Variants in ZFHX3 observed in about 807,000 individuals in gnomAD.
The protein encoded by ZFHX3 is zinc finger homeobox 3, also known as zinc finger homeobox protein 3.
Under a neutral mutation model 279.1 loss-of-function variants are expected in ZFHX3, and 42 were observed. The observed-to-expected ratio is 0.15, with a 90% CI of 0.12 to 0.19. The LOEUF is 0.19. ZFHX3 is among the 10% of genes least tolerant of loss of function. The probability of loss-of-function intolerance (pLI) is 1.00; values close to 1 mark genes in which losing one functional copy is unlikely to be tolerated. For missense variants in ZFHX3, 4,981 were observed against 4,754.0 expected, an observed-to-expected ratio of 1.05 and a Z score of -1.40; for synonymous variants, 2,293 against 1,957.8, an observed-to-expected ratio of 1.17 and a Z score of -4.52.
chr16:73,235,565 C>T (rs940315943), intron 5 of ZFHX3, among the ~76,000 whole-genome samples: 10 of 152,090 alleles, frequency 6.6e-5, no homozygotes, highest in Admixed American at 3.3e-4. Context: ...GAGAGGCACT[C>T]GGCTCTGGTC....
chr16:73,423,053 A>T (rs898300171), intron 3 of ZFHX3, among the ~76,000 whole-genome samples: 2 of 152,130 alleles, frequency 1.3e-5, no homozygotes, highest in East Asian at 1.9e-4. Flanking sequence ...TAAGAATCCC[A>T]GTCAAATTGG....
intron 1 of ZFHX3, among the ~76,000 whole-genome samples, chr16:73,812,198 C>T (rs982209237): frequency 7.9e-5 from 12 of 152,122 alleles, no homozygotes; most frequent in Non-Finnish European, 7.4e-5. Context: ...ACGAATTTCC[C>T]ATCACTGAAA....
rs140609871 is a variant in ZFHX3, at chr16:73,325,928, A to AACACACACACACACACACACACACAAAC, written c.-1290-7593_-1290-7592insGTTTGTGTGTGTGTGTGTGTGTGTGTGT. ...ACACACACACACACACACACACACAAACACACACACACACACACACACAGG... is the reference window on the plus strand; with the variant it reads ...ACACACACACACACACACACACACAAACACACACACACACACACACACACAAACACACACACACACACACACACACAGG... On this transcript the variant is annotated intron_variant, in intron 3 of 17. Coordinates refer to the ZFHX3 transcript ENST00000641206. 4.9e-3 allele frequency among the ~76,000 whole-genome samples: 710 copies of AACACACACACACACACACACACACAAAC among 145,564 alleles called. 7 individuals carry two copies. The highest frequency in any genetic ancestry group is 0.017 in the African/African-American group (658 of 39,850).
intron 3 of ZFHX3, among the ~76,000 whole-genome samples, chr16:73,423,726 G>A (rs561543614): frequency 2.0e-5 from 3 of 152,098 alleles, no homozygotes; most frequent in African/African-American, 7.2e-5. Flanking sequence ...GCCAGGCGCA[G>A]TGGTGCACAC....
chr16:73,089,875 G>A (rs144964972), intron 8 of ZFHX3, among the ~76,000 whole-genome samples: 53 of 152,328 alleles, frequency 3.5e-4, no homozygotes, highest in African/African-American at 1.1e-3. Context: ...TTCCTGAACC[G>A]AAGCTGTGCT....
chr16:73,690,389 A>G (rs899884), intron 1 of ZFHX3, among the ~76,000 whole-genome samples: 30 of 152,224 alleles, frequency 2.0e-4, no homozygotes, highest in Middle Eastern at 3.4e-3. Context: ...GTAAGAAGAA[A>G]ATTTCAAATC....
chr16:73,081,995 C>A (rs1348176982), intron 8 of ZFHX3, among the ~76,000 whole-genome samples: 2 of 151,870 alleles, frequency 1.3e-5, no homozygotes, highest in Non-Finnish European at 2.9e-5. Flanking sequence ...TACCACCACA[C>A]CCAGCTAATT....
At chr16:73,648,614 G>C (rs899744522) in intron 2 of ZFHX3, among the ~76,000 whole-genome samples, 2 of 152,052 alleles carry the variant, frequency 1.3e-5, no homozygotes, top group Non-Finnish European at 2.9e-5. Context: ...ATTTCACCAC[G>C]TTGGCCAGGC....
chr16:73,417,904 G>A (rs1004148053), intron 3 of ZFHX3, among the ~76,000 whole-genome samples: 2 of 150,526 alleles, frequency 1.3e-5, no homozygotes, highest in Non-Finnish European at 2.9e-5. Context: ...CATGAGAATG[G>A]CGTGAACCCA....
chr16:73,192,980 G>A (rs1401292464), intron 5 of ZFHX3, among the ~76,000 whole-genome samples: 1 of 152,142 alleles, frequency 6.6e-6, no homozygotes, highest in African/African-American at 2.4e-5. Context: ...AGGAATAATA[G>A]CCACCTCATT....
rs890659155 is a variant in ZFHX3 at position 72,822,805 on chromosome 16, T to G, written c.3529+6974A>C. On this transcript the variant is annotated intron_variant, in intron 5 of 9. Transcript: ENST00000268489. The stretch of plus-strand genomic sequence containing the variant: ...ACTTCTAGAAAGTGAGTTTTTTTTT[T>G]TTTTTTTTTTTGCATGTCCTGTACC... Among the ~76,000 whole-genome samples the G allele has an allele frequency of 1.7e-4, 25 of 150,462 alleles. 1 individual carries two copies. Among genetic ancestry groups the G allele is most frequent in the Non-Finnish European group, 3.4e-4 (23 of 67,712 alleles).
At chr16:73,630,157 T>A (rs1366743522) in intron 2 of ZFHX3, among the ~76,000 whole-genome samples, 3 of 152,186 alleles carry the variant, frequency 2.0e-5, no homozygotes, top group Non-Finnish European at 4.4e-5. Flanking sequence ...GGTAGACACT[T>A]TGGAAAACGT....
At chr16:73,349,624 T>C (rs181665863) in intron 3 of ZFHX3, among the ~76,000 whole-genome samples, 490 of 47,416 alleles carry the variant, frequency 0.01, 10 homozygotes, top group South Asian at 0.057. Context: ...CTCCCTCCCT[T>C]CCTCCCTCCC....
At position 72,797,652 on chromosome 16, in the gene ZFHX3, G is replaced by T. The variant is rs1196913823; in HGVS notation, c.5030C>A (p.Ser1677Tyr). The T allele has an allele frequency of 6.2e-7, 1 of 1,614,048 alleles. No individual in the cohort carries two copies. The highest frequency in any genetic ancestry group is 1.3e-5 in the African/African-American group (1 of 74,904). Reference protein sequence around the residue: ...NPSSAGIAPSSNLLSQVPTES... With the variant: ...NPSSAGIAPSYNLLSQVPTES... ...AGTGGGCACTTGGCTTAGTAAGTTA[G>T]AGCTTGGAGCAATGCCAGCACTGCT... The change falls in exon 9 of 10, where the codon TCT becomes TAT. Residue 1677 changes from serine (S) to tyrosine (Y), a missense_variant. This residue lies in a region of ZFHX3 where 1,751 missense variants were observed against 1,770.0 expected (regional missense o/e 0.99). Coordinates refer to ENST00000268489, the MANE Select transcript of ZFHX3 (RefSeq NM_006885.4).
intron 2 of ZFHX3, among the ~76,000 whole-genome samples, chr16:73,539,306 G>A (rs2019967105): frequency 6.6e-6 from 1 of 151,706 alleles, no homozygotes; most frequent in Non-Finnish European, 1.5e-5. Flanking sequence ...ATTGTTATCA[G>A]GTGAAACTGA....
exon 1 of ZFHX3, chr16:73,058,717 C>A: frequency 6.0e-6 from 1 of 165,294 alleles, no homozygotes; most frequent in Non-Finnish European, 1.2e-5. Flanking sequence ...GCGGCGGCGG[C>A]GGCGGCGGCG....
In ZFHX3 at chr16:72,793,331, C is replaced by A; in HGVS notation, c.9351G>T (p.Ala3117=). 1 of 1,614,150 alleles carries A rather than the reference C, an allele frequency of 6.2e-7. No individual in the cohort carries two copies. The highest frequency in any genetic ancestry group is 8.5e-7 in the Non-Finnish European group (1 of 1,180,012). Residue 3117 remains alanine (A), a synonymous_variant, in exon 9 of 10, where the codon GCG becomes GCT. Coordinates refer to ENST00000268489, the MANE Select transcript of ZFHX3 (RefSeq NM_006885.4). The surrounding 1 kb of genome is among the most constrained non-coding windows in gnomAD (Gnocchi z 4.3). The part of the protein sequence containing the change: ...QALNLPTAYP[A]LQGIPPVLLP... ...GCAACACAGGAGGAATGCCCTGGAG[C>A]GCTGGATATGCTGTAGGAAGGTTAA...
intron 3 of ZFHX3, among the ~76,000 whole-genome samples, chr16:72,927,299 CCTT>C (rs1265554408): frequency 6.6e-6 from 1 of 152,180 alleles, no homozygotes; most frequent in African/African-American, 2.4e-5. Context: ...AATCCTTCCT[CCTT>C]GTCTTCCTTC....
At chr16:73,771,346 C>T (rs2054015547) in intron 1 of ZFHX3, among the ~76,000 whole-genome samples, 2 of 152,100 alleles carry the variant, frequency 1.3e-5, no homozygotes, top group Admixed American at 6.5e-5. Context: ...CAGCTGGCAC[C>T]CTGGTCCCTG....
Sources: gnomAD v4.1 joint callset for allele counts (sites outside exome capture counted in the v4.1 genomes callset) on GRCh38, gnomAD v4.1.1 for gene constraint, gnomAD v4.1.1 regional missense constraint, Gnocchi (gnomAD v3.1) non-coding constraint, MANE v1.5 for transcripts, NCBI Gene and HGNC (gene_info 2026-07-23, HGNC 2026-07-21) for gene names.